Variants in CDSN observed in about 807,000 individuals in gnomAD.
The protein encoded by CDSN is corneodesmosin.
A neutral mutation model predicts 25.6 loss-of-function variants in CDSN; 11 were observed. That is an observed-to-expected ratio of 0.43 (90% CI 0.27 to 0.71). CDSN has a LOEUF of 0.71. Among genes scored for constraint, CDSN ranks in the 30% least tolerant of loss-of-function variants. CDSN has a pLI of 0.20. For synonymous variants in CDSN, 266 were observed against 267.4 expected, an observed-to-expected ratio of 0.99 and a Z score of 0.05; for missense variants, 598 against 670.9, an observed-to-expected ratio of 0.89 and a Z score of 1.20.
rs2150955907 is a variant in CDSN at position 31,116,205 on chromosome 6, G to T, written c.1410C>A (p.Gly470=). ...GATCAGGATGGGGAGAGCCATCGGG[G>T]CCCCCAGTCAGTGTCAAGGAGGAGA... ...MSVSSLTLTG[G]PDGSPHPDPS... The change falls in exon 2 of 2, where the codon GGC becomes GGA. Residue 470 remains glycine (G), a synonymous_variant. Transcript: ENST00000376288. The T allele has an allele frequency of 6.2e-7, 1 of 1,613,738 alleles. No individual in the cohort carries two copies. Among genetic ancestry groups the T allele is most frequent in the Non-Finnish European group, 8.5e-7 (1 of 1,179,784 alleles).
At position 31,115,232 on chromosome 6, in the gene CDSN, A is replaced by T; in HGVS notation, c.*793T>A. ...GGAAGAGCACCACCCAGACTCTCAG[A>T]GGAGACCCAGGACTCCAAGAAGGCA... On this transcript the variant is annotated 3_prime_UTR_variant, in exon 2 of 2. Transcript: ENST00000376288. The surrounding 1 kb of genome is among the most constrained non-coding windows in gnomAD (Gnocchi z 4.2). The T allele has an allele frequency of 3.9e-6, 1 of 259,478 alleles. No homozygotes were observed. The highest frequency in any genetic ancestry group is 7.5e-6 in the Non-Finnish European group (1 of 132,876). 16.1% of individuals were successfully genotyped at this position (259,478 alleles called of 1,614,324 possible). A position where few individuals can be genotyped will look rare whatever the true frequency, so the allele number is the denominator to read the frequency against.
chr6:31,116,275 G>A lies in CDSN; in HGVS notation c.1340C>T (p.Pro447Leu), dbSNP rs201876916. 1.8e-4 allele frequency: 285 copies of A among 1,614,148 alleles called. No individual in the cohort carries two copies. Among genetic ancestry groups the A allele is most frequent in the Non-Finnish European group, 2.3e-4 (269 of 1,180,010 alleles). The part of the protein sequence containing the change: ...SQSSGKIILQ[P>L]CGSKSSSSGH... ...AGAAGAGCTGGACTTGCTGCCACAA[G>A]GCTGAAGGATGATTTTGCCACTGGA... Residue 447 changes from proline (P) to leucine (L), a missense_variant, in exon 2 of 2, where the codon CCT becomes CTT. Pro to Leu is a moderately conservative substitution (Grantham distance 98). Transcript: ENST00000376288.
chr6:31,117,829 T>C (rs1772250721), intron 1 of CDSN: 1 of 409,318 alleles, frequency 2.4e-6, no homozygotes, highest in Non-Finnish European at 4.5e-6. Flanking sequence ...CTGGGCACAG[T>C]GGCTCACGCC....
chr6:31,116,095 T>C lies in CDSN; in HGVS notation c.1520A>G (p.Lys507Arg). The C allele has an allele frequency of 6.2e-7, 1 of 1,612,038 alleles. No individual in the cohort carries two copies. Among genetic ancestry groups the C allele is most frequent in the Non-Finnish European group, 8.5e-7 (1 of 1,179,448 alleles). The change falls in exon 2 of 2, where the codon AAG becomes AGG. Residue 507 changes from lysine to arginine, a missense_variant. Lys to Arg is a conservative substitution (Grantham distance 26). Transcript: ENST00000376288. ...GTCAGCTAGCTGGGGCCCCAGAGGCTTCACTTGGGCTAGGATATCCCGGAT... is the reference window on the plus strand; with the variant it reads ...GTCAGCTAGCTGGGGCCCCAGAGGCCTCACTTGGGCTAGGATATCCCGGAT... Reference protein sequence around the residue: ...RSIRDILAQVKPLGPQLADPE... With the variant: ...RSIRDILAQVRPLGPQLADPE...
At position 31,116,763 on chromosome 6, in the gene CDSN, G is replaced by A. The variant is rs1385089126; in HGVS notation, c.852C>T (p.Pro284=). 10 of 1,613,120 alleles carry A rather than the reference G, an allele frequency of 6.2e-6. No homozygotes were observed. The highest frequency in any genetic ancestry group is 8.5e-6 in the Non-Finnish European group (10 of 1,180,044). The stretch of plus-strand genomic sequence containing the variant: ...AGGATTTGTCTACAGAGGTGATTGG[G>A]GGACAGGGCTTGCCTGGAAGGCCAC... ...SNGGLPGKPC[P]PITSVDKSYG... Residue 284 remains proline (P), a synonymous_variant, in exon 2 of 2, where the codon CCC becomes CCT. Transcript: ENST00000376288.
Position 31,116,921 on chromosome 6 carries a change from T to G in CDSN, c.694A>C (p.Ile232Leu). 5 of 1,614,104 alleles carry G rather than the reference T, an allele frequency of 3.1e-6. No individual in the cohort carries two copies. Among genetic ancestry groups the G allele is most frequent in the Non-Finnish European group, 4.2e-6 (5 of 1,179,976 alleles). The change falls in exon 2 of 2, where the codon ATC (isoleucine) becomes CTC (leucine). Residue 232 changes from isoleucine to leucine, a missense_variant. Ile to Leu is a conservative substitution (Grantham distance 5). Transcript: ENST00000376288. ...ATGTAGGGGCCGGAGTGCGAGACGA[T>G]GGGCCCTCCACTGCAGGGAGAGTCG... ...IPDSPCSGGP[I>L]VSHSGPYIPS...
chr6:31,115,362 A>C lies in CDSN; in HGVS notation c.*663T>G. The C allele has an allele frequency of 5.7e-6, 1 of 175,078 alleles. No individual in the cohort carries two copies. The highest frequency in any genetic ancestry group is 1.2e-5 in the Non-Finnish European group (1 of 81,474). The allele number at this position is 175,078 out of a possible 1,614,324, so 10.8% of individuals were successfully genotyped here. The stretch of plus-strand genomic sequence containing the variant: ...CTGAGGGTGCCCCAGTGTCTCCCTC[A>C]CCCAGGGAATCATCTGAGCACTGAG... On this transcript the variant is annotated 3_prime_UTR_variant, in exon 2 of 2. Coordinates refer to ENST00000376288, the MANE Select transcript of CDSN (RefSeq NM_001264.5). This position sits in a 1 kb window ranked among gnomAD's most constrained non-coding sequence, Gnocchi z 4.2.
chr6:31,120,108 A>G (rs1406517921), intron 1 of CDSN, among the ~76,000 whole-genome samples: 1 of 152,108 alleles, frequency 6.6e-6, no homozygotes, highest in Non-Finnish European at 1.5e-5. Flanking sequence ...TACATTATTT[A>G]ATTTGAGACA....
rs377342864 is a variant in CDSN at position 31,115,978 on chromosome 6, T to G, written c.*47A>C. The G allele has an allele frequency of 2.6e-6, 4 of 1,521,688 alleles. No homozygotes were observed. The highest frequency in any genetic ancestry group is 3.6e-6 in the Non-Finnish European group (4 of 1,099,704). 94.3% of individuals were successfully genotyped at this position (1,521,688 alleles called of 1,614,324 possible). A position where few individuals can be genotyped will look rare whatever the true frequency, so the allele number is the denominator to read the frequency against. ...CTTCTCCCATATGGGATATAGTGTATGTGCTTGTTTGTGCCCAAGGCATGC... is the reference window on the plus strand; with the variant it reads ...CTTCTCCCATATGGGATATAGTGTAGGTGCTTGTTTGTGCCCAAGGCATGC... On this transcript the variant is annotated 3_prime_UTR_variant, in exon 2 of 2. Transcript: ENST00000376288. This position sits in a 1 kb window ranked among gnomAD's most constrained non-coding sequence, Gnocchi z 4.2.
In CDSN at chr6:31,117,178, G is replaced by C; in HGVS notation, c.437C>G (p.Ser146Cys). The C allele has an allele frequency of 2.5e-6, 4 of 1,612,032 alleles. No homozygotes were observed. In the South Asian group the frequency reaches 3.3e-5, roughly 13 times the overall value. Residue 146 changes from serine to cysteine, a missense_variant, in exon 2 of 2, where the codon TCT becomes TGT. Transcript: ENST00000376288. ...SSSSHSGNSG[S>C]HSGSSSSHSS... is the part of the protein sequence containing the mutation. ...ATGAGAGCTGCTGCTTCCCGAGTGA[G>C]AGCCGCTGTTTCCCGAGTGAGAGCT...
At chr6:31,120,270 G>T in intron 1 of CDSN, 65 bp downstream of exon 1, 5 of 1,283,534 alleles carry the variant, frequency 3.9e-6, no homozygotes, top group African/African-American at 1.5e-5. Flanking sequence ...TGTCCCCTTC[G>T]CTGGGTCCTC....
Position 31,115,855 on chromosome 6 carries a change from T to A in CDSN, c.*170A>T. On this transcript the variant is annotated 3_prime_UTR_variant, in exon 2 of 2. Coordinates refer to ENST00000376288, the MANE Select transcript of CDSN (RefSeq NM_001264.5). This position sits in a 1 kb window ranked among gnomAD's most constrained non-coding sequence, Gnocchi z 4.2. ...TTTGAGAAGAGGAAGGAGGAAGGGG[T>A]GATAAGAGAGAGTCTGCAACCTTGG... 1 of 610,296 alleles carries A rather than the reference T, an allele frequency of 1.6e-6. No homozygotes were observed. The highest frequency in any genetic ancestry group is 3.0e-6 in the Non-Finnish European group (1 of 338,824). 37.8% of individuals were successfully genotyped at this position (610,296 alleles called of 1,614,324 possible). A position where few individuals can be genotyped will look rare whatever the true frequency, so the allele number is the denominator to read the frequency against.
Position 31,117,543 on chromosome 6 carries a change from C to T in CDSN, c.86-14G>A, listed in dbSNP as rs1772231352. The T allele has an allele frequency of 1.3e-6, 2 of 1,548,988 alleles. No homozygotes were observed. The highest frequency in any genetic ancestry group is 2.7e-5 in the African/African-American group (2 of 73,020). On this transcript the variant is annotated splice_polypyrimidine_tract_variant and intron_variant, in intron 1 of 1. Transcript: ENST00000376288. ...TAGCCAAGGTCCCTGTGGAGGAAAGCAGTGGTTAGTAAGGGCCAAGGAGGC... is the reference window on the plus strand; with the variant it reads ...TAGCCAAGGTCCCTGTGGAGGAAAGTAGTGGTTAGTAAGGGCCAAGGAGGC...
At position 31,116,934 on chromosome 6, in the gene CDSN, G is replaced by A; in HGVS notation, c.681C>T (p.Cys227=). The A allele has an allele frequency of 6.2e-7, 1 of 1,614,212 alleles. No individual in the cohort carries two copies. Among genetic ancestry groups the A allele is most frequent in the Non-Finnish European group, 8.5e-7 (1 of 1,180,022 alleles). Reference sequence around the variant, plus strand: ...AGTGCGAGACGATGGGCCCTCCACTGCAGGGAGAGTCGGGGATGTCCGAAC... The same window carrying A: ...AGTGCGAGACGATGGGCCCTCCACTACAGGGAGAGTCGGGGATGTCCGAAC... ...PCSSDIPDSP[C]SGGPIVSHSG... is the part of the protein sequence containing the mutation. The change falls in exon 2 of 2, where the codon TGC becomes TGT. Residue 227 remains cysteine, a synonymous_variant. Coordinates refer to ENST00000376288, the MANE Select transcript of CDSN (RefSeq NM_001264.5).
chr6:31,120,206 C>T (rs1348919083), intron 1 of CDSN, 129 bp downstream of exon 1: 2 of 722,452 alleles, frequency 2.8e-6, no homozygotes, highest in Non-Finnish European at 4.8e-6. Flanking sequence ...CTGAGGCGAC[C>T]ATACAGTGAG....
Position 31,116,532 on chromosome 6 carries a change from C to T in CDSN, c.1083G>A (p.Ser361=), listed in dbSNP as rs148976838. 8.7e-6 allele frequency: 14 copies of T among 1,613,472 alleles called. No homozygotes were observed. Among genetic ancestry groups the T allele is most frequent in the African/African-American group, 8.0e-5 (6 of 74,906 alleles). ...GGAATGCAATGGCCGAGGAAGCTGCCGACTGGCTGGGGATGATGGGGTTGC... is the reference window on the plus strand; with the variant it reads ...GGAATGCAATGGCCGAGGAAGCTGCTGACTGGCTGGGGATGATGGGGTTGC... ...FSSNPIIPSQ[S]AASSAIAFQP... The change falls in exon 2 of 2, where the codon TCG becomes TCA. Residue 361 remains serine (S), a synonymous_variant. Transcript: ENST00000376288.
At position 31,116,055 on chromosome 6, in the gene CDSN, T is replaced by A; in HGVS notation, c.1560A>T (p.Leu520=). The change falls in exon 2 of 2, where the codon CTA becomes CTT. Residue 520 remains leucine, a synonymous_variant. Coordinates refer to ENST00000376288, the MANE Select transcript of CDSN (RefSeq NM_001264.5). ...GACTGTTGAGTAACTCTCCTTGGGG[T>A]AGGAAAACTTCAGGGTCAGCTAGCT... ...GPQLADPEVF[L]PQGELLNSP The A allele has an allele frequency of 6.2e-7, 1 of 1,611,754 alleles. No individual in the cohort carries two copies. Among genetic ancestry groups the A allele is most frequent in the Non-Finnish European group, 8.5e-7 (1 of 1,179,784 alleles).
Position 31,120,388 on chromosome 6 carries a change from C to T in CDSN, c.32G>A (p.Arg11His), listed in dbSNP as rs371334209. ...TGCCATCATCCCGTGCCCACCCACA[C>T]GCCCCATCCAGGGTGCCCGAGACGA... Reference protein sequence around the residue: MGSSRAPWMGRVGGHGMMALL... With the variant: MGSSRAPWMGHVGGHGMMALL... The change falls in exon 1 of 2, where the codon CGT (arginine) becomes CAT (histidine). Residue 11 changes from arginine (R) to histidine (H), a missense_variant. Arg to His is a conservative substitution (Grantham distance 29). Coordinates refer to ENST00000376288, the MANE Select transcript of CDSN (RefSeq NM_001264.5). The T allele has an allele frequency of 2.0e-3, 3,131 of 1,593,800 alleles. 97 individuals are homozygous for T. The South Asian group carries it at 0.032, about 16-fold the overall frequency.
rs3095320 is a variant in CDSN, at chr6:31,120,157, G to A, written c.85+178C>T. Among the ~76,000 whole-genome samples the A allele has an allele frequency of 0.76, 115,133 of 151,998 alleles. 43,937 individuals are homozygous for A. Among genetic ancestry groups the A allele is most frequent in the South Asian group, 0.83 (3,991 of 4,818 alleles). On this transcript the variant is annotated intron_variant, in intron 1 of 1. Transcript: ENST00000376288. ...TAGGTGTCATTAACCCCACTTCAGA[G>A]TTTCAGAAACTGGGGCTCAGGAAGT... is the stretch of plus-strand genomic sequence containing the variant.
Sources: allele counts gnomAD v4.1 joint callset (sites outside exome capture counted in the v4.1 genomes callset), GRCh38; gene constraint gnomAD v4.1.1; non-coding constraint Gnocchi (gnomAD v3.1); transcripts MANE v1.5; gene names NCBI Gene and HGNC (gene_info 2026-07-23, HGNC 2026-07-21).